The following RRM2 variants were observed in gnomAD, a reference collection of about 807,000 sequenced individuals.
The protein encoded by RRM2 is ribonucleoside-diphosphate reductase subunit M2.
A neutral mutation model predicts 45.9 loss-of-function variants in RRM2; 6 were observed. That is an observed-to-expected ratio of 0.13 (90% CI 0.07 to 0.26). The LOEUF (loss-of-function observed/expected upper bound fraction) is 0.26. Among genes scored for constraint, RRM2 ranks in the 10% least tolerant of loss-of-function variants. The probability of loss-of-function intolerance (pLI) is 1.00; values close to 1 mark genes in which losing one functional copy is unlikely to be tolerated. For synonymous variants in RRM2, 177 were observed against 173.0 expected, an observed-to-expected ratio of 1.02 and a Z score of -0.18; for missense variants, 343 against 489.5, an observed-to-expected ratio of 0.70 and a Z score of 2.82.
intron 7 of RRM2, 74 bp from the exon 8 acceptor site, chr2:10,128,774 G>T: frequency 1.8e-6 from 2 of 1,089,182 alleles, no homozygotes; most frequent in Non-Finnish European, 2.8e-6. Context: ...TGCAGAAAAG[G>T]ACAAAGTAAT....
chr2:10,154,649 T>C (rs1282700531), intron 3 of RRM2, among the ~76,000 whole-genome samples: 3 of 151,540 alleles, frequency 2.0e-5, no homozygotes, highest in Non-Finnish European at 4.4e-5. Context: ...TAATAAATAT[T>C]ATTTTGGTTA....
intron 3 of RRM2, among the ~76,000 whole-genome samples, chr2:10,190,412 TG>T (rs749870286): frequency 4.0e-4 from 48 of 121,056 alleles, no homozygotes; most frequent in East Asian, 6.3e-4. Flanking sequence ...ATGGTGGTGA[TG>T]GGGGGGTTGG....
chr2:10,192,752 C>G (rs1664336209), intron 3 of RRM2: 1 of 32,236 alleles, frequency 3.1e-5, no homozygotes, highest in South Asian at 6.9e-4. Context: ...GCCACTCCAC[C>G]CCCCCCTGCT....
intron 3 of RRM2, among the ~76,000 whole-genome samples, chr2:10,209,301 A>C (rs1664717482): frequency 6.6e-6 from 1 of 151,770 alleles, no homozygotes; most frequent in Non-Finnish European, 1.5e-5. Context: ...CAAGTGATCC[A>C]CTGATCTTGG....
intron 3 of RRM2, among the ~76,000 whole-genome samples, chr2:10,151,060 C>A (rs1663302810): frequency 6.6e-6 from 1 of 152,048 alleles, no homozygotes; most frequent in African/African-American, 2.4e-5. Context: ...GGTGATCCAC[C>A]CGCCTTGGCC....
intron 3 of RRM2, among the ~76,000 whole-genome samples, chr2:10,202,100 A>G (rs1664579390): frequency 6.6e-6 from 1 of 152,222 alleles, no homozygotes; most frequent in Admixed American, 6.5e-5. Context: ...AATTTAATTT[A>G]CAGAAAAACT....
At chr2:10,150,548 A>G (rs990402228) in intron 3 of RRM2, among the ~76,000 whole-genome samples, 7 of 149,366 alleles carry the variant, frequency 4.7e-5, no homozygotes, top group Non-Finnish European at 3.0e-5. Context: ...TAATTGACAT[A>G]CAATAAACTG....
chr2:10,138,036 C>T (rs1277007681), upstream of RRM2, among the ~76,000 whole-genome samples: 2 of 152,014 alleles, frequency 1.3e-5, no homozygotes, highest in East Asian at 3.9e-4. Flanking sequence ...AGTCTTGCTG[C>T]GACCCCCAGG....
chr2:10,180,803 TG>T (rs1664029360), intron 3 of RRM2, among the ~76,000 whole-genome samples: 1 of 152,176 alleles, frequency 6.6e-6, no homozygotes, highest in African/African-American at 2.4e-5. Context: ...AGTCTCACTC[TG>T]TCGCTAGGCT....
Position 10,187,466 on chromosome 2 carries a change from G to A in RRM2, n.483-22845G>A, listed in dbSNP as rs144586965. ...CGGGGCCAACTGTGCAGTGAGAGAG[G>A]CTTTTTCTGCGTCTCCCCGCAGCTG... On this transcript the variant is annotated intron_variant and non_coding_transcript_variant, in intron 3 of 3. Coordinates refer to the RRM2 transcript ENST00000381786. 1.2e-3 allele frequency among the ~76,000 whole-genome samples: 190 copies of A among 152,358 alleles called. 2 individuals carry two copies. Among genetic ancestry groups the A allele is most frequent in the African/African-American group, 4.0e-3 (168 of 41,586 alleles).
In RRM2 at chr2:10,201,396, C is replaced by T. The variant is rs1034071373; in HGVS notation, n.483-8915C>T. ...AGCAAACAAAGGACCAACAATATTCCGAGCAAAACATCAAAAAGATCACTC... is the reference window on the plus strand; with the variant it reads ...AGCAAACAAAGGACCAACAATATTCTGAGCAAAACATCAAAAAGATCACTC... On this transcript the variant is annotated intron_variant and non_coding_transcript_variant, in intron 3 of 3. Coordinates refer to the RRM2 transcript ENST00000381786. Among the ~76,000 whole-genome samples, 6 of 152,242 alleles carry T rather than the reference C, an allele frequency of 3.9e-5. No homozygotes were observed. The East Asian group carries it at 1.2e-3, about 29-fold the overall frequency.
chr2:10,136,179 C>T (rs534281358), downstream of RRM2, among the ~76,000 whole-genome samples: 1 of 152,288 alleles, frequency 6.6e-6, no homozygotes, highest in Admixed American at 6.5e-5. Flanking sequence ...CAAATGACTG[C>T]TCACAAGTGA....
chr2:10,141,791 T>A (rs867417288), intron 1 of RRM2: 61 of 1,546,284 alleles, frequency 3.9e-5, no homozygotes, highest in Middle Eastern at 3.6e-4. Flanking sequence ...GGGCTGGGGC[T>A]GGGGCTGGGA....
chr2:10,154,924 G>A (rs4669534), intron 3 of RRM2: 20,568 of 154,166 alleles, frequency 0.13, 1,560 homozygotes, highest in Middle Eastern at 0.18. Context: ...TTGAACTCCC[G>A]ACCTCAGGTG....
intron 3 of RRM2, among the ~76,000 whole-genome samples, chr2:10,177,020 T>G (rs10191066): frequency 6.6e-6 from 1 of 151,960 alleles, no homozygotes; most frequent in African/African-American, 2.4e-5. Context: ...CCGAGGCGGG[T>G]GGATCACCTG....
chr2:10,189,464 C>G (rs1342394879), intron 3 of RRM2, among the ~76,000 whole-genome samples: 1 of 152,228 alleles, frequency 6.6e-6, no homozygotes, highest in Non-Finnish European at 1.5e-5. Context: ...TGATGGTATT[C>G]CAGCAGTGGC....
At chr2:10,141,679 G>A (rs774187427) in intron 1 of RRM2, 4 of 875,358 alleles carry the variant, frequency 4.6e-6, no homozygotes, top group Non-Finnish European at 6.9e-6. Context: ...GCAGGAAGGA[G>A]GGCAAGAGAC....
At chr2:10,170,486 T>C (rs1026466515) in intron 3 of RRM2, among the ~76,000 whole-genome samples, 5 of 152,030 alleles carry the variant, frequency 3.3e-5, no homozygotes, top group Non-Finnish European at 7.4e-5. Context: ...GAATGGGCTG[T>C]AATGTCAGCT....
At chr2:10,175,881 C>T (rs1453360633) in intron 3 of RRM2, among the ~76,000 whole-genome samples, 1 of 152,154 alleles carries the variant, frequency 6.6e-6, no homozygotes, top group Non-Finnish European at 1.5e-5. Context: ...GCTGGGATTA[C>T]AGGCATGAGC....
Sources: allele counts gnomAD v4.1 joint callset (sites outside exome capture counted in the v4.1 genomes callset), GRCh38; gene constraint gnomAD v4.1.1; transcripts MANE v1.5; gene names NCBI Gene and HGNC (gene_info 2026-07-23, HGNC 2026-07-21).